FILIP1L: variants seen among roughly 807,000 people sequenced by gnomAD.
FILIP1L encodes the protein filamin A interacting protein 1 like.
A neutral mutation model predicts 96.6 loss-of-function variants in FILIP1L; 55 were observed. That is an observed-to-expected ratio of 0.57 (90% CI 0.46 to 0.71). FILIP1L has a LOEUF of 0.71. Among genes scored for constraint, FILIP1L ranks in the 30% least tolerant of loss-of-function variants. FILIP1L has a pLI of 0.00. For synonymous variants in FILIP1L, 467 were observed against 473.9 expected (o/e 0.99, Z 0.19); for missense variants, 1,304 against 1,321.2 (o/e 0.99, Z 0.20).
rs184506234 is a variant in FILIP1L at position 99,972,432 on chromosome 3, G to A, written c.-10-41402C>T. Among the ~76,000 whole-genome samples, 265 of 152,240 alleles carry A rather than the reference G, an allele frequency of 1.7e-3. 2 individuals are homozygous for A. Among genetic ancestry groups the A allele is most frequent in the Middle Eastern group, 6.8e-3 (2 of 294 alleles). On this transcript the variant is annotated intron_variant, in intron 1 of 5. Coordinates refer to ENST00000477258, the MANE Select transcript of FILIP1L (RefSeq NM_001387850.1). ...TCTGTCTTGCAGCAGCATCGGAAAC[G>A]TCCCCGTCCCCATTTGAGTAAGTGC...
chr3:99,924,814 G>A (rs540370824), intron 3 of FILIP1L, among the ~76,000 whole-genome samples: 2 of 152,252 alleles, frequency 1.3e-5, no homozygotes, highest in South Asian at 2.1e-4. Flanking sequence ...GAGCCACGGC[G>A]CCCGGCCAGC....
chr3:99,852,151 G>A (rs143870316), intron 4 of FILIP1L, among the ~76,000 whole-genome samples: 2 of 152,070 alleles, frequency 1.3e-5, no homozygotes, highest in Non-Finnish European at 2.9e-5. Flanking sequence ...TTTTAAATTT[G>A]TGGCACTCTC....
intron 1 of FILIP1L, among the ~76,000 whole-genome samples, chr3:99,988,835 A>G (rs1344683803): frequency 6.6e-6 from 1 of 152,134 alleles, no homozygotes; most frequent in Non-Finnish European, 1.5e-5. Context: ...GGTAATTTTT[A>G]TTCCAAATCT....
intron 3 of FILIP1L, among the ~76,000 whole-genome samples, 159 bp downstream of exon 3, chr3:99,929,697 C>T (rs1445082470): frequency 6.6e-6 from 1 of 152,180 alleles, no homozygotes; most frequent in Non-Finnish European, 1.5e-5. Context: ...TTCTTTTTAA[C>T]TTTCCTATTG....
At chr3:100,099,821 A>C (rs1169595753) in intron 1 of FILIP1L, among the ~76,000 whole-genome samples, 1 of 152,190 alleles carries the variant, frequency 6.6e-6, no homozygotes. Context: ...CCACTTAAGT[A>C]TGGTAAAGTA....
At chr3:99,904,982 G>A (rs769953644) in intron 4 of FILIP1L, among the ~76,000 whole-genome samples, 15 of 151,984 alleles carry the variant, frequency 9.9e-5, no homozygotes, top group South Asian at 4.2e-4. Flanking sequence ...TCTCTCAGAG[G>A]TCATTGGTGG....
At chr3:99,911,653 A>G (rs1045284432) in intron 4 of FILIP1L, among the ~76,000 whole-genome samples, 4 of 152,148 alleles carry the variant, frequency 2.6e-5, no homozygotes, top group African/African-American at 9.7e-5. Context: ...CTTGAAGCTA[A>G]TTGCTGCCTG....
chr3:99,915,534 T>A (rs1292700067), intron 4 of FILIP1L, among the ~76,000 whole-genome samples: 1 of 152,190 alleles, frequency 6.6e-6, no homozygotes, highest in Non-Finnish European at 1.5e-5. Flanking sequence ...TTTCGCATAT[T>A]TGGAAGGCTA....
intron 3 of FILIP1L, 75 bp downstream of exon 3, chr3:99,929,781 A>C (rs1479828493): frequency 1.0e-5 from 11 of 1,050,526 alleles, no homozygotes; most frequent in Non-Finnish European, 1.5e-5. Flanking sequence ...ATCAAAGAGG[A>C]GTTACAGATC....
chr3:100,103,692 C>T (rs12494994), intron 1 of FILIP1L, among the ~76,000 whole-genome samples: 26,643 of 152,110 alleles, frequency 0.18, 2,396 homozygotes, highest in South Asian at 0.2. Flanking sequence ...TGGTCTCTTC[C>T]AGCAGCTATT....
chr3:99,982,136 A>G (rs1447679572), intron 1 of FILIP1L, among the ~76,000 whole-genome samples: 1 of 152,204 alleles, frequency 6.6e-6, no homozygotes, highest in Admixed American at 6.5e-5. Context: ...TAAAAAACTA[A>G]AACAATATAA....
intron 4 of FILIP1L, among the ~76,000 whole-genome samples, chr3:99,903,166 A>G (rs1302691936): frequency 1.3e-5 from 2 of 152,240 alleles, no homozygotes; most frequent in African/African-American, 4.8e-5. Flanking sequence ...TATGAGGATT[A>G]AAGTTTAAGA....
At chr3:100,029,035 T>A (rs901978733) in intron 1 of FILIP1L, among the ~76,000 whole-genome samples, 62 of 152,172 alleles carry the variant, frequency 4.1e-4, no homozygotes, top group Middle Eastern at 3.4e-3. Context: ...TTAAAAAAAA[T>A]TTTTTTGAGC....
intron 1 of FILIP1L, among the ~76,000 whole-genome samples, chr3:100,085,144 C>T (rs1235164629): frequency 1.3e-5 from 2 of 152,134 alleles, no homozygotes; most frequent in African/African-American, 2.4e-5. Context: ...CAGTCCTGAT[C>T]AGTTGAATTA....
At chr3:99,945,969 G>T (rs1238515950) in intron 1 of FILIP1L, among the ~76,000 whole-genome samples, 1 of 152,164 alleles carries the variant, frequency 6.6e-6, no homozygotes, top group Non-Finnish European at 1.5e-5. Flanking sequence ...CATATCCTCT[G>T]CCTAGCAGCT....
chr3:100,063,086 A>G (rs751617164), intron 1 of FILIP1L, among the ~76,000 whole-genome samples: 3 of 152,190 alleles, frequency 2.0e-5, no homozygotes, highest in Non-Finnish European at 2.9e-5. Flanking sequence ...TTTGAACTAT[A>G]TTATATGCCT....
At chr3:99,978,871 C>T (rs1005614318) in intron 1 of FILIP1L, among the ~76,000 whole-genome samples, 10 of 151,324 alleles carry the variant, frequency 6.6e-5, no homozygotes, top group South Asian at 6.3e-4. Context: ...GGCAACAGAG[C>T]GAGACTCTTG....
At chr3:100,041,666 G>T (rs1177073092) in intron 1 of FILIP1L, among the ~76,000 whole-genome samples, 1 of 152,172 alleles carries the variant, frequency 6.6e-6, no homozygotes, top group African/African-American at 2.4e-5. Flanking sequence ...AGAATTACTT[G>T]TATGTATTTG....
At chr3:99,909,052 A>G (rs1258120184) in intron 4 of FILIP1L, among the ~76,000 whole-genome samples, 1 of 152,224 alleles carries the variant, frequency 6.6e-6, no homozygotes, top group Non-Finnish European at 1.5e-5. Context: ...GTGTGTGCAC[A>G]GGCCATCAAA....
Sources: gnomAD v4.1 joint callset for allele counts (sites outside exome capture counted in the v4.1 genomes callset) on GRCh38, gnomAD v4.1.1 for gene constraint, MANE v1.5 for transcripts, NCBI Gene and HGNC (gene_info 2026-07-23, HGNC 2026-07-21) for gene names.